TBC1D8: variants seen among roughly 807,000 people sequenced by gnomAD.
TBC1D8 encodes BUB2-like protein 1.
A neutral mutation model predicts 118.8 loss-of-function variants in TBC1D8; 65 were observed. The observed-to-expected ratio is 0.55, with a 90% CI of 0.45 to 0.67. TBC1D8 has a LOEUF of 0.67. Ranked by LOEUF, TBC1D8 falls within the 30% of genes least tolerant of loss-of-function variation. The pLI, the probability that TBC1D8 is intolerant of heterozygous loss-of-function variation, is 0.00. For synonymous variants in TBC1D8, 566 were observed against 595.8 expected (o/e 0.95, Z 0.73); for missense variants, 1,376 against 1,471.2 (o/e 0.94, Z 1.06).
chr2:101,049,669 A>C lies in TBC1D8; in HGVS notation c.872+732T>G, dbSNP rs184085797. On this transcript the variant is annotated intron_variant, in intron 5 of 19. Transcript: ENST00000409318. ...TTTGAACCTGAGAGGCAGAGGTTGC[A>C]GTGAGCCGAGATAGCACCGTTGTAC... is the stretch of plus-strand genomic sequence containing the variant. 3.7e-3 allele frequency among the ~76,000 whole-genome samples: 569 copies of C among 152,086 alleles called. 6 individuals carry two copies. The highest frequency in any genetic ancestry group is 0.012 in the African/African-American group (479 of 41,492).
intron 15 of TBC1D8, among the ~76,000 whole-genome samples, chr2:101,025,760 C>A (rs1458070391): frequency 6.6e-6 from 1 of 152,188 alleles, no homozygotes; most frequent in Non-Finnish European, 1.5e-5. Context: ...GCAGTAGGAA[C>A]GCGTTTGTGG....
rs1410641105 is a variant in TBC1D8, at chr2:101,028,373, G to T, written c.2282C>A (p.Ala761Asp). ...SPGPPVGSHHAFFSDDQEPYP... is the reference protein window; with the variant it reads ...SPGPPVGSHHDFFSDDQEPYP... ...GGGCTCCTGGTCGTCGGAGAAAAAG[G>T]CATGGTGGCTGCCAACTGGGGGCCC... Residue 761 changes from alanine to aspartate, a missense_variant, in exon 13 of 20, where the codon GCC becomes GAC. By Grantham distance (126) the Ala-to-Asp change is moderately radical. Coordinates refer to ENST00000409318, the MANE Select transcript of TBC1D8 (RefSeq NM_001330348.2). 1.2e-6 allele frequency: 2 copies of T among 1,611,744 alleles called. No individual in the cohort carries two copies. The highest frequency in any genetic ancestry group is 1.3e-5 in the African/African-American group (1 of 74,880).
intron 1 of TBC1D8, among the ~76,000 whole-genome samples, chr2:101,097,080 T>C (rs1574028194): frequency 1.3e-5 from 2 of 151,996 alleles, no homozygotes; most frequent in Non-Finnish European, 1.5e-5. Context: ...AAAGAAGCCA[T>C]AGGGGGAAAA....
At chr2:101,090,425 G>T (rs943087945) in intron 1 of TBC1D8, 61 bp from the exon 2 acceptor site, 27 of 1,574,082 alleles carry the variant, frequency 1.7e-5, no homozygotes, top group Non-Finnish European at 2.3e-5. Context: ...CTCCTCATGC[G>T]TGTGAGGCAT....
At chr2:101,009,231 T>C (rs1433208735) in intron 19 of TBC1D8, among the ~76,000 whole-genome samples, 2 of 152,020 alleles carry the variant, frequency 1.3e-5, no homozygotes, top group Non-Finnish European at 2.9e-5. Flanking sequence ...GGTGAAACCC[T>C]GTCTCTATTA....
intron 5 of TBC1D8, among the ~76,000 whole-genome samples, chr2:101,041,181 C>T (rs6734255): frequency 0.56 from 85,532 of 152,048 alleles, 25,535 homozygotes; most frequent in Middle Eastern, 0.77. Context: ...CAAGAAATTC[C>T]ACTCCTAGGT....
rs370554374 is a variant in TBC1D8, at chr2:101,035,278, C to G, written c.1603+740G>C. Reference sequence around the variant, plus strand: ...GCAAAGGCACACTCCAATGGCAGGGCCTTCCCTTCCTACCCTCGGGCCCAA... The same window carrying G: ...GCAAAGGCACACTCCAATGGCAGGGGCTTCCCTTCCTACCCTCGGGCCCAA... On this transcript the variant is annotated intron_variant, in intron 9 of 19. Transcript: ENST00000409318. Among the ~76,000 whole-genome samples, 297 of 152,260 alleles carry G rather than the reference C, an allele frequency of 2.0e-3. 3 individuals are homozygous for G. The highest frequency in any genetic ancestry group is 6.8e-3 in the African/African-American group (283 of 41,544).
chr2:101,051,385 A>T (rs1055233862), intron 4 of TBC1D8, among the ~76,000 whole-genome samples: 1 of 152,218 alleles, frequency 6.6e-6, no homozygotes, highest in African/African-American at 2.4e-5. Flanking sequence ...CATTCTGGAC[A>T]TGGGAACAGG....
chr2:101,130,877 C>T lies in TBC1D8; in HGVS notation c.127+20250G>A, dbSNP rs574408441. ...TCTCTTAATATCTAACTGTTATTGA[C>T]CACAATCAAGCCCCAACCTAACACT... On this transcript the variant is annotated intron_variant, in intron 1 of 19. Transcript: ENST00000409318. Among the ~76,000 whole-genome samples the T allele has an allele frequency of 5.5e-4, 84 of 152,262 alleles. 1 individual carries two copies. Among genetic ancestry groups the T allele is most frequent in the African/African-American group, 1.9e-3 (79 of 41,524 alleles).
At chr2:101,096,214 G>A (rs1020980801) in intron 1 of TBC1D8, among the ~76,000 whole-genome samples, 6 of 152,136 alleles carry the variant, frequency 3.9e-5, no homozygotes, top group African/African-American at 9.6e-5. Flanking sequence ...GTGAGCCACA[G>A]TGCTCAGCCA....
At chr2:101,017,735 C>A in intron 17 of TBC1D8, 2 of 1,039,264 alleles carry the variant, frequency 1.9e-6, no homozygotes, top group South Asian at 1.5e-5. Context: ...TTATCACAGG[C>A]AAGATAGGGT....
intron 3 of TBC1D8, among the ~76,000 whole-genome samples, chr2:101,055,917 T>C (rs1001664602): frequency 6.6e-6 from 1 of 152,108 alleles, no homozygotes; most frequent in Non-Finnish European, 1.5e-5. Context: ...GAGGTTACAG[T>C]GCACTATGAT....
intron 8 of TBC1D8, 146 bp downstream of exon 8, chr2:101,037,386 T>G: frequency 8.2e-7 from 1 of 1,216,840 alleles, no homozygotes; most frequent in Non-Finnish European, 1.1e-6. Context: ...CAGTGGTCAC[T>G]TTTCACCCAT....
At chr2:101,021,613 G>A in intron 17 of TBC1D8, 68 bp downstream of exon 17, 1 of 1,081,710 alleles carries the variant, frequency 9.2e-7, no homozygotes, top group South Asian at 1.4e-5. Flanking sequence ...GAGCTTCAGA[G>A]TCATGCACAA....
chr2:101,145,149 C>T (rs1679267657), intron 1 of TBC1D8, among the ~76,000 whole-genome samples: 1 of 152,116 alleles, frequency 6.6e-6, no homozygotes, highest in Non-Finnish European at 1.5e-5. Flanking sequence ...CAATTTGTAC[C>T]TTATATTATC....
At chr2:101,021,651 A>G in intron 17 of TBC1D8, 30 bp downstream of exon 17, 1 of 1,461,518 alleles carries the variant, frequency 6.8e-7, no homozygotes, top group Non-Finnish European at 9.6e-7. Context: ...AGCAGAGCAC[A>G]GTCTGATTTT....
At chr2:101,112,666 C>T (rs909139932) in intron 1 of TBC1D8, among the ~76,000 whole-genome samples, 1 of 152,176 alleles carries the variant, frequency 6.6e-6, no homozygotes, top group African/African-American at 2.4e-5. Flanking sequence ...TGAATGGAGG[C>T]CTGACTGCTC....
chr2:101,094,668 G>A (rs1676273571), intron 1 of TBC1D8, among the ~76,000 whole-genome samples: 1 of 152,076 alleles, frequency 6.6e-6, no homozygotes, highest in Non-Finnish European at 1.5e-5. Context: ...CTTTTGCAAA[G>A]GTCAGGACAT....
chr2:101,037,759 A>C, intron 7 of TBC1D8, 51 bp from the exon 8 acceptor site: 1 of 1,602,876 alleles, frequency 6.2e-7, no homozygotes, highest in Non-Finnish European at 8.5e-7. Context: ...GGAGAAAATC[A>C]TGGCTTTAGT....
Sources: gnomAD v4.1 joint callset for allele counts (sites outside exome capture counted in the v4.1 genomes callset) on GRCh38, gnomAD v4.1.1 for gene constraint, MANE v1.5 for transcripts, NCBI Gene and HGNC (gene_info 2026-07-23, HGNC 2026-07-21) for gene names.